GALNT17: variants seen among roughly 807,000 people sequenced by gnomAD.
GALNT17 encodes the protein polypeptide N-acetylgalactosaminyltransferase 17, also known as UDP-GalNAc:polypeptide N-acetylgalactosaminyltransferase-like 3.
Under a neutral mutation model 63.7 loss-of-function variants are expected in GALNT17, and 29 were observed. The observed-to-expected ratio is 0.46, with a 90% CI of 0.34 to 0.62. The LOEUF is 0.62. Among genes scored for constraint, GALNT17 ranks in the 20% least tolerant of loss-of-function variants. The pLI is 0.01. For missense variants in GALNT17, 603 were observed against 799.6 expected (o/e 0.75, Z 2.97); for synonymous variants, 305 against 318.3 (o/e 0.96, Z 0.45).
chr7:71,530,878 T>G (rs1788710056), intron 5 of GALNT17, among the ~76,000 whole-genome samples: 1 of 152,140 alleles, frequency 6.6e-6, no homozygotes, highest in Admixed American at 6.6e-5. Context: ...AAGAATTTTA[T>G]TTTTAACAAG....
At chr7:71,387,931 C>A (rs1174902255) in intron 2 of GALNT17, among the ~76,000 whole-genome samples, 1 of 152,142 alleles carries the variant, frequency 6.6e-6, no homozygotes, top group Non-Finnish European at 1.5e-5. Context: ...ATGAAGGCAT[C>A]TACTGAACCC....
At chr7:71,142,462 T>C (rs1268574589) in intron 1 of GALNT17, among the ~76,000 whole-genome samples, 1 of 152,202 alleles carries the variant, frequency 6.6e-6, no homozygotes, top group African/African-American at 2.4e-5. Flanking sequence ...AATGGCAGCC[T>C]GTCTGACAAA....
intron 1 of GALNT17, among the ~76,000 whole-genome samples, chr7:71,212,850 G>C (rs1197871420): frequency 6.6e-6 from 1 of 152,142 alleles, no homozygotes; most frequent in Non-Finnish European, 1.5e-5. Context: ...CCCAATACCT[G>C]TACCCCCATT....
chr7:71,230,287 G>C (rs1433784328), intron 1 of GALNT17, among the ~76,000 whole-genome samples: 1 of 152,058 alleles, frequency 6.6e-6, no homozygotes, highest in Non-Finnish European at 1.5e-5. Flanking sequence ...AGATTGAATA[G>C]GGGTTTATTT....
chr7:71,475,102 C>T (rs1183543008), intron 5 of GALNT17, among the ~76,000 whole-genome samples: 1 of 152,180 alleles, frequency 6.6e-6, no homozygotes, highest in Non-Finnish European at 1.5e-5. Flanking sequence ...AAACTGATTT[C>T]AGACTTCTTG....
At chr7:71,206,565 G>A (rs1291250897) in intron 1 of GALNT17, among the ~76,000 whole-genome samples, 4 of 152,150 alleles carry the variant, frequency 2.6e-5, no homozygotes, top group Middle Eastern at 3.2e-3. Flanking sequence ...CCTCAAGGTA[G>A]TGATGATCCT....
chr7:71,665,621 C>A (rs1406212533), intron 7 of GALNT17, 25 bp downstream of exon 7: 1 of 1,609,320 alleles, frequency 6.2e-7, no homozygotes. Flanking sequence ...CCTTTCCCCA[C>A]CACCCCAGTA....
intron 1 of GALNT17, among the ~76,000 whole-genome samples, chr7:71,198,574 C>A (rs947563643): frequency 6.6e-6 from 1 of 152,206 alleles, no homozygotes; most frequent in African/African-American, 2.4e-5. Context: ...CACCAGCTGA[C>A]ACTAGCTGAC....
At chr7:71,450,394 A>C (rs1034103432) in intron 5 of GALNT17, among the ~76,000 whole-genome samples, 1 of 152,100 alleles carries the variant, frequency 6.6e-6, no homozygotes, top group African/African-American at 2.4e-5. Context: ...GGCCTCCCAA[A>C]GTGCTGGAAT....
At chr7:71,236,038 G>C (rs577395542) in intron 1 of GALNT17, among the ~76,000 whole-genome samples, 1 of 151,992 alleles carries the variant, frequency 6.6e-6, no homozygotes, top group Non-Finnish European at 1.5e-5. Flanking sequence ...AAAATTAGCC[G>C]GGCGTGGTGG....
At chr7:71,303,326 A>AT (rs959359069) in intron 1 of GALNT17, among the ~76,000 whole-genome samples, 10 of 151,030 alleles carry the variant, frequency 6.6e-5, no homozygotes, top group South Asian at 6.3e-4. Context: ...GCTAATTTAT[A>AT]TTTTTTTTTG....
intron 1 of GALNT17, chr7:71,300,450 C>G (rs1791174297): frequency 4.4e-6 from 2 of 456,008 alleles, no homozygotes; most frequent in Admixed American, 2.4e-5. Context: ...CTGATCTTTT[C>G]AGAATCACTG....
chr7:71,604,597 AC>A (rs1790018681), intron 6 of GALNT17, among the ~76,000 whole-genome samples: 1 of 152,220 alleles, frequency 6.6e-6, no homozygotes, highest in South Asian at 2.1e-4. Flanking sequence ...AAGCAGTGTG[AC>A]CCAGCAGGTT....
intron 5 of GALNT17, among the ~76,000 whole-genome samples, chr7:71,533,082 AAG>A (rs1210602459): frequency 6.6e-6 from 1 of 152,226 alleles, no homozygotes; most frequent in Non-Finnish European, 1.5e-5. Flanking sequence ...TGAATTATCT[AAG>A]AGAATTGATC....
intron 4 of GALNT17, among the ~76,000 whole-genome samples, chr7:71,416,635 C>A (rs548654461): frequency 1.3e-5 from 2 of 151,798 alleles, no homozygotes; most frequent in Non-Finnish European, 2.9e-5. Flanking sequence ...AAAAAGAAAA[C>A]GGTGTATCAA....
chr7:71,183,004 T>C (rs1050850685), intron 1 of GALNT17, among the ~76,000 whole-genome samples: 2 of 152,226 alleles, frequency 1.3e-5, no homozygotes, highest in Non-Finnish European at 2.9e-5. Context: ...GTACATTTCA[T>C]GCCAGAGCAC....
chr7:71,157,364 A>G (rs942645753), intron 1 of GALNT17, among the ~76,000 whole-genome samples: 1 of 151,868 alleles, frequency 6.6e-6, no homozygotes, highest in Non-Finnish European at 1.5e-5. Flanking sequence ...AAAAAAATTG[A>G]GGTAATGCAT....
At chr7:71,394,902 G>A (rs1793110489) in intron 3 of GALNT17, among the ~76,000 whole-genome samples, 1 of 152,104 alleles carries the variant, frequency 6.6e-6, no homozygotes, top group Admixed American at 6.6e-5. Flanking sequence ...AGGAGTTCGA[G>A]ACCAGCCTGG....
At chr7:71,613,546 ATGAGC>A (rs1318454306) in intron 6 of GALNT17, among the ~76,000 whole-genome samples, 2 of 152,182 alleles carry the variant, frequency 1.3e-5, no homozygotes, top group African/African-American at 2.4e-5. Flanking sequence ...GGGAGGACCA[ATGAGC>A]ATAGAGAGCT....
Sources: allele counts gnomAD v4.1 joint callset (sites outside exome capture counted in the v4.1 genomes callset), GRCh38; gene constraint gnomAD v4.1.1; transcripts MANE v1.5; gene names NCBI Gene and HGNC (gene_info 2026-07-23, HGNC 2026-07-21).